AK5: variants seen among roughly 807,000 people sequenced by gnomAD.
The protein encoded by AK5 is adenylate kinase 5.
Under a neutral mutation model 69.5 loss-of-function variants are expected in AK5, and 27 were observed. The observed-to-expected ratio is 0.39, with a 90% confidence interval of 0.29 to 0.54. AK5 has a LOEUF of 0.54. AK5 is among the 20% of genes least tolerant of loss of function. The probability of loss-of-function intolerance (pLI) is 0.71; values close to 1 mark genes in which losing one functional copy is unlikely to be tolerated. For synonymous variants in AK5, 260 were observed against 244.4 expected, an observed-to-expected ratio of 1.06 and a Z score of -0.60; for missense variants, 531 against 700.4, an observed-to-expected ratio of 0.76 and a Z score of 2.73.
chr1:77,287,832 A>G (rs3921995), intron 2 of AK5, among the ~76,000 whole-genome samples: 19,070 of 152,242 alleles, frequency 0.13, 1,425 homozygotes, highest in East Asian at 0.36. Context: ...CAGTTTGAAC[A>G]CTCAGCAGTG....
At chr1:77,438,224 A>G (rs1048684112) in intron 8 of AK5, among the ~76,000 whole-genome samples, 1 of 145,778 alleles carries the variant, frequency 6.9e-6, no homozygotes, top group African/African-American at 2.5e-5. Context: ...AGAGATGGGG[A>G]AAAAAAGGAG....
intron 5 of AK5, among the ~76,000 whole-genome samples, chr1:77,319,124 A>G (rs553070854): frequency 2.0e-5 from 3 of 152,138 alleles, no homozygotes; most frequent in Non-Finnish European, 2.9e-5. Context: ...AAAAAGACAG[A>G]TGTATGAAGA....
chr1:77,304,475 G>A lies in AK5; in HGVS notation c.699+6528G>A, dbSNP rs1284705003. Among the ~76,000 whole-genome samples, 5 of 149,150 alleles carry A rather than the reference G, an allele frequency of 3.4e-5. No individual in the cohort carries two copies. The East Asian group carries it at 5.9e-4, about 17-fold the overall frequency. Reference sequence around the variant, plus strand: ...GGCTGGAATGCAATGGCACAATCTCGGCTCACCGCAGCGTCTGTCTCCTGG... The same window carrying A: ...GGCTGGAATGCAATGGCACAATCTCAGCTCACCGCAGCGTCTGTCTCCTGG... On this transcript the variant is annotated intron_variant, in intron 5 of 13. Transcript: ENST00000354567.
chr1:77,298,486 G>A (rs1027797020), intron 5 of AK5, among the ~76,000 whole-genome samples: 4 of 151,696 alleles, frequency 2.6e-5, no homozygotes, highest in East Asian at 1.9e-4. Context: ...GCTTTGAAAA[G>A]CTTATGTTAA....
At chr1:77,516,308 C>T (rs1657640121) in intron 10 of AK5, among the ~76,000 whole-genome samples, 1 of 151,814 alleles carries the variant, frequency 6.6e-6, no homozygotes, top group African/African-American at 2.4e-5. Context: ...TTGCCAGGGG[C>T]TAGGGAAGTG....
chr1:77,438,766 G>A (rs12407481), intron 8 of AK5, among the ~76,000 whole-genome samples: 60,291 of 151,954 alleles, frequency 0.4, 12,219 homozygotes, highest in East Asian at 0.58. Flanking sequence ...TTCACCAGAA[G>A]AGACATGCAT....
intron 6 of AK5, among the ~76,000 whole-genome samples, chr1:77,360,771 C>T (rs1338370732): frequency 6.6e-6 from 1 of 152,054 alleles, no homozygotes; most frequent in Non-Finnish European, 1.5e-5. Context: ...TGTAAGCAGC[C>T]TTGTTGAAAA....
At chr1:77,402,474 T>G (rs1296938526) in intron 6 of AK5, among the ~76,000 whole-genome samples, 3 of 130,864 alleles carry the variant, frequency 2.3e-5, no homozygotes, top group South Asian at 2.7e-4. Context: ...GTCCCCGGTG[T>G]GTGATGTTCC....
intron 6 of AK5, among the ~76,000 whole-genome samples, chr1:77,377,197 C>T (rs1647307561): frequency 6.6e-6 from 1 of 152,180 alleles, no homozygotes; most frequent in Non-Finnish European, 1.5e-5. Context: ...ACCAGACTCC[C>T]TGTCAGTGGG....
chr1:77,321,634 A>G (rs1326870582), intron 5 of AK5, among the ~76,000 whole-genome samples: 1 of 152,212 alleles, frequency 6.6e-6, no homozygotes, highest in African/African-American at 2.4e-5. Flanking sequence ...ACAAAAACCT[A>G]TATAGCTAAC....
Position 77,521,924 on chromosome 1 carries a change from G to A in AK5, c.1409G>A (p.Gly470Glu). The A allele has an allele frequency of 6.2e-7, 1 of 1,612,106 alleles. No individual in the cohort carries two copies. Among genetic ancestry groups the A allele is most frequent in the South Asian group, 1.1e-5 (1 of 90,748 alleles). Residue 470 changes from glycine to glutamate, a missense_variant, in exon 12 of 14, where the codon GGG (glycine) becomes GAG (glutamate). Gly to Glu is a moderately conservative substitution (Grantham distance 98). Transcript: ENST00000354567. ...IDGYPREVKQ[G>E]EEFGRRIGDP... ...GGCTATCCTCGGGAGGTGAAGCAAG[G>A]GGAAGAGTTCGGACGCAGGGTGAGT...
rs557404788 is a variant in AK5 at position 77,533,732 on chromosome 1, T to C, written c.1429-2115T>C. On this transcript the variant is annotated intron_variant, in intron 12 of 13. Transcript: ENST00000354567. ...CCTGCTCAGTGACATATAATCTCTG[T>C]TTGTACCTGTGTCCCTGAATTATCT... 2.0e-5 allele frequency among the ~76,000 whole-genome samples: 3 copies of C among 152,128 alleles called. No individual in the cohort carries two copies. In the South Asian group the frequency reaches 6.2e-4, roughly 32 times the overall value.
intron 8 of AK5, among the ~76,000 whole-genome samples, chr1:77,440,010 G>T (rs1270814992): frequency 6.6e-6 from 1 of 152,042 alleles, no homozygotes; most frequent in Non-Finnish European, 1.5e-5. Context: ...AGTTTGGTGG[G>T]TTTTTTGTAG....
intron 6 of AK5, among the ~76,000 whole-genome samples, chr1:77,407,674 C>T (rs192459958): frequency 6.6e-6 from 1 of 152,118 alleles, no homozygotes; most frequent in East Asian, 1.9e-4. Context: ...TGCAGATTTG[C>T]TACCTGGGTA....
At chr1:77,487,962 A>G (rs1655705798) in intron 10 of AK5, among the ~76,000 whole-genome samples, 1 of 152,260 alleles carries the variant, frequency 6.6e-6, no homozygotes, top group Non-Finnish European at 1.5e-5. Flanking sequence ...GAGCTGAAAT[A>G]GGGAACAACC....
chr1:77,402,087 C>G (rs1469247947), intron 6 of AK5, among the ~76,000 whole-genome samples: 1 of 152,172 alleles, frequency 6.6e-6, no homozygotes, highest in Non-Finnish European at 1.5e-5. Context: ...AATTTCAGAG[C>G]TGTGAGCAAC....
intron 10 of AK5, among the ~76,000 whole-genome samples, chr1:77,514,424 G>GT (rs1227459999): frequency 6.6e-6 from 1 of 152,204 alleles, no homozygotes; most frequent in Non-Finnish European, 1.5e-5. Context: ...AGGCCCCATT[G>GT]TTTTTTTATT....
At chr1:77,528,607 G>A (rs1658413161) in intron 12 of AK5, among the ~76,000 whole-genome samples, 1 of 152,216 alleles carries the variant, frequency 6.6e-6, no homozygotes, top group Non-Finnish European at 1.5e-5. Flanking sequence ...TATTCCCCAA[G>A]CTGGTTTTAT....
intron 6 of AK5, among the ~76,000 whole-genome samples, chr1:77,401,239 A>T (rs1328982738): frequency 6.6e-6 from 1 of 152,212 alleles, no homozygotes. Flanking sequence ...TTTTAGTTGA[A>T]GAAAAACAAA....
Sources: allele counts gnomAD v4.1 joint callset (sites outside exome capture counted in the v4.1 genomes callset), GRCh38; gene constraint gnomAD v4.1.1; transcripts MANE v1.5; gene names NCBI Gene and HGNC (gene_info 2026-07-23, HGNC 2026-07-21).